Variants in AKAP7 observed in about 807,000 individuals in gnomAD.
The protein encoded by AKAP7 is A-kinase anchoring protein 7, also known as A kinase (PRKA) anchor protein 7.
Under a neutral mutation model 39.5 loss-of-function variants are expected in AKAP7, and 39 were observed. That is an observed-to-expected ratio of 0.99 (90% CI 0.76 to 1.29). AKAP7 has a LOEUF of 1.29. Among genes scored for constraint, AKAP7 ranks in the 50% most tolerant of loss-of-function variants. AKAP7 has a pLI of 0.00. For synonymous variants in AKAP7, 140 were observed against 139.1 expected (o/e 1.01, Z -0.05); for missense variants, 414 against 407.7 (o/e 1.02, Z -0.13).
chr6:131,160,276 C>G (rs1359234116), intron 3 of AKAP7, 78 bp downstream of exon 3: 1 of 1,437,194 alleles, frequency 7.0e-7, no homozygotes, highest in Non-Finnish European at 9.6e-7. Context: ...TATTAGCCCA[C>G]TTGCTCTTAG....
At chr6:131,145,633 T>C (rs1479585731) in intron 2 of AKAP7, among the ~76,000 whole-genome samples, 1 of 152,190 alleles carries the variant, frequency 6.6e-6, no homozygotes. Flanking sequence ...AGCCTTGACC[T>C]GCCAGTCTTA....
At chr6:131,125,828 C>T in the AKAP7 span, among the ~76,000 whole-genome samples, 2 of 152,154 alleles carry the variant, frequency 1.3e-5, no homozygotes, top group African/African-American at 4.8e-5. Flanking sequence ...CACGAACATC[C>T]AATCCTAAGT....
In AKAP7 at chr6:131,139,794, T is replaced by C. The variant is rs145041712; in HGVS notation, c.19+4012T>C. On this transcript the variant is annotated intron_variant, in intron 1 of 7. Transcript: ENST00000431975. ...GAACTTCGACTATGGTGACGACACA[T>C]GATGGAGTGCAGTTATAGGAAGTTG... 3.9e-5 allele frequency among the ~76,000 whole-genome samples: 6 copies of C among 152,340 alleles called. No individual in the cohort carries two copies. In the East Asian group the frequency reaches 5.8e-4, roughly 15 times the overall value.
At chr6:131,180,999 T>C (rs1296186085) in intron 5 of AKAP7, among the ~76,000 whole-genome samples, 1 of 152,068 alleles carries the variant, frequency 6.6e-6, no homozygotes, top group Non-Finnish European at 1.5e-5. Context: ...TTGCCTAGGC[T>C]GGAGTGCAGT....
At chr6:131,136,778 G>A in intron 1 of AKAP7, 1 of 843,108 alleles carries the variant, frequency 1.2e-6, no homozygotes, top group Non-Finnish European at 1.4e-6. Context: ...TTATGAGGAG[G>A]AAAGGAAAGC....
At position 131,282,641 on chromosome 6, in the gene AKAP7, A is replaced by G; in HGVS notation, c.*915A>G. ...CGATTGTGACAACATAGCTTATGAA[A>G]TCTTTTCAGCTTATTAAGTAGCTCT... is the stretch of plus-strand genomic sequence containing the variant. On this transcript the variant is annotated 3_prime_UTR_variant, in exon 8 of 8. Transcript: ENST00000431975. 3 of 1,493,248 alleles carry G rather than the reference A, an allele frequency of 2.0e-6. No homozygotes were observed. Among genetic ancestry groups the G allele is most frequent in the East Asian group, 2.5e-5 (1 of 40,528 alleles). 92.5% of individuals were successfully genotyped at this position (1,493,248 alleles called of 1,614,324 possible).
intron 7 of AKAP7, among the ~76,000 whole-genome samples, chr6:131,235,519 C>A (rs1056536625): frequency 2.0e-5 from 3 of 152,134 alleles, no homozygotes; most frequent in African/African-American, 7.2e-5. Flanking sequence ...GTTTACAGTC[C>A]CACCAACAGT....
chr6:131,207,517 T>TTA (rs1367120493), intron 6 of AKAP7, among the ~76,000 whole-genome samples: 3 of 141,564 alleles, frequency 2.1e-5, no homozygotes, highest in African/African-American at 8.2e-5. Flanking sequence ...TTTTTTTTTT[T>TTA]AGATATGGGG....
intron 5 of AKAP7, among the ~76,000 whole-genome samples, chr6:131,194,978 T>G (rs938443455): frequency 6.6e-6 from 1 of 152,166 alleles, no homozygotes; most frequent in Non-Finnish European, 1.5e-5. Context: ...GAATCTTGTC[T>G]TTTTAAATCC....
chr6:131,133,126 T>C (rs1800364950), upstream of AKAP7, among the ~76,000 whole-genome samples: 1 of 152,208 alleles, frequency 6.6e-6, no homozygotes, highest in South Asian at 2.1e-4. Context: ...AGCTTTCCCA[T>C]ACTACTACTT....
At chr6:131,198,645 GAACA>G (rs1807197946) in intron 5 of AKAP7, among the ~76,000 whole-genome samples, 1 of 152,094 alleles carries the variant, frequency 6.6e-6, no homozygotes, top group South Asian at 2.1e-4. Context: ...CTGGCTAATG[GAACA>G]GTATTCCTGG....
chr6:131,226,893 T>C (rs1231658847), intron 7 of AKAP7, among the ~76,000 whole-genome samples: 1 of 152,224 alleles, frequency 6.6e-6, no homozygotes, highest in Non-Finnish European at 1.5e-5. Context: ...TGAATGTTAC[T>C]GAACATGTAC....
At chr6:131,175,725 C>T (rs1033872801) in intron 5 of AKAP7, among the ~76,000 whole-genome samples, 2 of 152,232 alleles carry the variant, frequency 1.3e-5, no homozygotes, top group African/African-American at 4.8e-5. Flanking sequence ...GTCATAAGAC[C>T]CACATTTGAG....
At chr6:131,132,813 A>G (rs1254087673), upstream of AKAP7, among the ~76,000 whole-genome samples, 11 of 152,198 alleles carry the variant, frequency 7.2e-5, no homozygotes, top group Non-Finnish European at 5.9e-5. Context: ...CTTTCACAGG[A>G]GCTTTCACAG....
At chr6:131,222,074 C>T (rs1809747702) in intron 7 of AKAP7, among the ~76,000 whole-genome samples, 1 of 152,098 alleles carries the variant, frequency 6.6e-6, no homozygotes, top group Non-Finnish European at 1.5e-5. Flanking sequence ...AAGGATTCAC[C>T]ATTCTAGATG....
chr6:131,224,366 G>A (rs773474190), intron 7 of AKAP7, among the ~76,000 whole-genome samples: 2 of 151,996 alleles, frequency 1.3e-5, no homozygotes, highest in Non-Finnish European at 2.9e-5. Context: ...CAAATTTAAT[G>A]TCAATTTCTT....
chr6:131,167,901 A>AT (rs368148260), intron 4 of AKAP7, among the ~76,000 whole-genome samples: 15 of 152,292 alleles, frequency 9.8e-5, no homozygotes, highest in African/African-American at 3.6e-4. Context: ...GATCAAAATA[A>AT]TTTAAACGAA....
intron 5 of AKAP7, chr6:131,184,535 C>A: frequency 1.4e-6 from 1 of 712,446 alleles, no homozygotes. Flanking sequence ...GATGCATTGC[C>A]AGCAGTATGT....
chr6:131,237,784 ATTC>A (rs1319465964), intron 7 of AKAP7, among the ~76,000 whole-genome samples: 1 of 151,568 alleles, frequency 6.6e-6, no homozygotes, highest in Non-Finnish European at 1.5e-5. Context: ...CGTCTATTTG[ATTC>A]TTCTCTCTTT....
Sources: gnomAD v4.1 joint callset for allele counts (sites outside exome capture counted in the v4.1 genomes callset) on GRCh38, gnomAD v4.1.1 for gene constraint, MANE v1.5 for transcripts, NCBI Gene and HGNC (gene_info 2026-07-23, HGNC 2026-07-21) for gene names.